TF: variants seen among roughly 807,000 people sequenced by gnomAD.
The protein encoded by TF is serotransferrin.
TF carries 55 observed loss-of-function variants against 82.4 expected under a neutral mutation model. That is an observed-to-expected ratio of 0.67 (90% CI 0.54 to 0.84). The LOEUF (loss-of-function observed/expected upper bound fraction) is 0.84. TF is among the 40% of genes least tolerant of loss of function. The pLI is 0.00. For missense variants in TF, 737 were observed against 868.4 expected, an observed-to-expected ratio of 0.85 and a Z score of 1.90; for synonymous variants, 332 against 332.6, an observed-to-expected ratio of 1.00 and a Z score of 0.02.
intron 9 of TF, chr3:133,760,654 G>A (rs1933970459): frequency 6.6e-6 from 1 of 152,420 alleles, no homozygotes; most frequent in Non-Finnish European, 1.5e-5. Flanking sequence ...ACAACCAAAT[G>A]TAAACATATT....
chr3:133,675,990 T>C, the TF span, among the ~76,000 whole-genome samples: 1 of 152,042 alleles, frequency 6.6e-6, no homozygotes, highest in Non-Finnish European at 1.5e-5. Context: ...AGGGATTTTT[T>C]CCCCCTGGGG....
rs1934479657 is a variant in TF, at chr3:133,779,868, T to G, written c.*1248T>G. The stretch of plus-strand genomic sequence containing the variant: ...TTCCCTAAACCAACTGTTGTTATAG[T>G]ATATTCCATATCAGCTGAAGACCTG... On this transcript the variant is annotated 3_prime_UTR_variant, in exon 17 of 17. Coordinates refer to ENST00000402696, the MANE Select transcript of TF (RefSeq NM_001063.4). 1 of 152,118 alleles carries G rather than the reference T, an allele frequency of 6.6e-6. No homozygotes were observed. Among genetic ancestry groups the G allele is most frequent in the Admixed American group, 6.5e-5 (1 of 15,288 alleles). The allele number at this position is 152,118 out of a possible 1,614,324, so 9.4% of individuals were successfully genotyped here.
At chr3:133,684,245 A>G in the TF span, among the ~76,000 whole-genome samples, 1 of 152,262 alleles carries the variant, frequency 6.6e-6, no homozygotes, top group African/African-American at 2.4e-5. Context: ...CCACAAGAGA[A>G]GGCAGGAAAG....
chr3:133,682,552 C>T, the TF span, among the ~76,000 whole-genome samples: 12 of 152,146 alleles, frequency 7.9e-5, no homozygotes, highest in African/African-American at 2.7e-4. Flanking sequence ...ACGAGAACTA[C>T]GTGACGCATG....
the TF span, among the ~76,000 whole-genome samples, chr3:133,718,949 A>G: frequency 6.6e-6 from 1 of 152,166 alleles, no homozygotes; most frequent in Non-Finnish European, 1.5e-5. Flanking sequence ...TGTGAATGGG[A>G]GTGATTGATC....
intron 2 of TF, among the ~76,000 whole-genome samples, chr3:133,750,655 C>T (rs1041055641): frequency 3.3e-5 from 5 of 152,146 alleles, no homozygotes; most frequent in Non-Finnish European, 7.3e-5. Context: ...CTCTTTGGCT[C>T]CCTGAGCCCC....
chr3:133,674,751 C>T, the TF span, among the ~76,000 whole-genome samples: 15 of 152,064 alleles, frequency 9.9e-5, no homozygotes, highest in Middle Eastern at 0.01. Context: ...GCGCGACAAC[C>T]GGACAGTCAG....
the TF span, among the ~76,000 whole-genome samples, chr3:133,675,065 T>C: frequency 4.0e-5 from 6 of 151,814 alleles, no homozygotes; most frequent in Admixed American, 2.0e-4. Flanking sequence ...GCCAACATGA[T>C]GAAACCCCGT....
chr3:133,769,422 C>A (rs946643127), intron 13 of TF, among the ~76,000 whole-genome samples: 2 of 152,130 alleles, frequency 1.3e-5, no homozygotes, highest in Non-Finnish European at 2.9e-5. Context: ...AATTATAGGT[C>A]ATGAGAAAAG....
At chr3:133,672,342 T>C in the TF span, among the ~76,000 whole-genome samples, 3 of 151,870 alleles carry the variant, frequency 2.0e-5, no homozygotes, top group African/African-American at 4.8e-5. Flanking sequence ...AGAAAAGAAG[T>C]AACATATTCC....
At chr3:133,743,017 C>T (rs1433086230), upstream of TF, among the ~76,000 whole-genome samples, 1 of 152,090 alleles carries the variant, frequency 6.6e-6, no homozygotes, top group East Asian at 1.9e-4. Context: ...CTCTTTCTCT[C>T]TCACCTCCCT....
chr3:133,754,564 G>T lies in TF; in HGVS notation c.395G>T (p.Arg132Leu), dbSNP rs765784216. The change falls in exon 4 of 17, where the codon CGA becomes CTA. Residue 132 changes from arginine to leucine, a missense_variant. By Grantham distance (102) the Arg-to-Leu change is moderately radical. Coordinates refer to ENST00000402696, the MANE Select transcript of TF (RefSeq NM_001063.4). ...KDSGFQMNQL[R>L]GKKSCHTGLG... is the part of the protein sequence containing the mutation. ...AGTGGCTTCCAGATGAACCAGCTTC[G>T]AGGCAAGAAGTCCTGCCACACGGGT... The T allele has an allele frequency of 6.2e-7, 1 of 1,614,178 alleles. No individual in the cohort carries two copies. Among genetic ancestry groups the T allele is most frequent in the Non-Finnish European group, 8.5e-7 (1 of 1,180,038 alleles).
At chr3:133,671,232 T>C in the TF span, among the ~76,000 whole-genome samples, 1 of 152,236 alleles carries the variant, frequency 6.6e-6, no homozygotes, top group Non-Finnish European at 1.5e-5. Context: ...AGTTCCTTTC[T>C]GGAGGCTCTG....
chr3:133,744,474 TTTC>T (rs1443594010), upstream of TF, among the ~76,000 whole-genome samples: 1 of 152,206 alleles, frequency 6.6e-6, no homozygotes, highest in Non-Finnish European at 1.5e-5. Flanking sequence ...GCCCCTGACT[TTTC>T]CTGCTCATCT....
intron 2 of TF, among the ~76,000 whole-genome samples, chr3:133,752,887 C>A (rs569000228): frequency 3.9e-5 from 6 of 152,300 alleles, no homozygotes; most frequent in East Asian, 1.9e-4. Context: ...AAATAATAAT[C>A]AAGCTTTTGA....
the TF span, among the ~76,000 whole-genome samples, chr3:133,733,287 T>A: frequency 6.6e-6 from 1 of 152,200 alleles, no homozygotes; most frequent in Admixed American, 6.6e-5. Context: ...AGGAAGGGGC[T>A]GAAGCAGCTG....
chr3:133,772,310 A>G (rs572678422), intron 14 of TF, among the ~76,000 whole-genome samples: 1 of 151,706 alleles, frequency 6.6e-6, no homozygotes, highest in East Asian at 1.9e-4. Flanking sequence ...GCCACCCTTG[A>G]TTTCTTTTGG....
chr3:133,738,509 G>C, the TF span, among the ~76,000 whole-genome samples: 5 of 152,308 alleles, frequency 3.3e-5, no homozygotes, highest in Non-Finnish European at 7.4e-5. Context: ...AATAGGAAGA[G>C]AGGAAGTCAA....
chr3:133,743,028 C>T (rs1323667068), upstream of TF, among the ~76,000 whole-genome samples: 2 of 152,124 alleles, frequency 1.3e-5, no homozygotes, highest in South Asian at 4.2e-4. Context: ...TCACCTCCCT[C>T]CCTCTCTTTC....
Sources: allele counts gnomAD v4.1 joint callset (sites outside exome capture counted in the v4.1 genomes callset), GRCh38; gene constraint gnomAD v4.1.1; transcripts MANE v1.5; gene names NCBI Gene and HGNC (gene_info 2026-07-23, HGNC 2026-07-21).